SPHKAP: variants seen among roughly 807,000 people sequenced by gnomAD.
SPHKAP encodes the protein A-kinase anchor protein SPHKAP.
A neutral mutation model predicts 137.5 loss-of-function variants in SPHKAP; 67 were observed. The ratio of observed to expected loss-of-function variants is 0.49; its 90% CI spans 0.40 to 0.60. The LOEUF is 0.60. Ranked by LOEUF, SPHKAP falls within the 20% of genes least tolerant of loss-of-function variation. SPHKAP has a pLI of 0.00. For synonymous variants in SPHKAP, 813 were observed against 785.3 expected, an observed-to-expected ratio of 1.04 and a Z score of -0.59; for missense variants, 2,097 against 2,069.3, an observed-to-expected ratio of 1.01 and a Z score of -0.26.
intron 3 of SPHKAP, among the ~76,000 whole-genome samples, chr2:228,062,615 A>G (rs1403849367): frequency 1.3e-5 from 2 of 152,140 alleles, no homozygotes; most frequent in African/African-American, 2.4e-5. Context: ...GAAAAAAAAA[A>G]TAAAATGCCA....
chr2:228,144,208 T>A (rs1273295165), intron 1 of SPHKAP, among the ~76,000 whole-genome samples: 3 of 152,200 alleles, frequency 2.0e-5, no homozygotes, highest in Non-Finnish European at 4.4e-5. Context: ...CCCACCCTGA[T>A]CTATTTTTCT....
chr2:228,120,597 T>C (rs185399042), intron 2 of SPHKAP, among the ~76,000 whole-genome samples: 1 of 152,288 alleles, frequency 6.6e-6, no homozygotes, highest in East Asian at 1.9e-4. Flanking sequence ...CTTGTGCCAC[T>C]CAATTACTCA....
intron 7 of SPHKAP, among the ~76,000 whole-genome samples, chr2:228,006,255 C>G (rs577912929): frequency 1.3e-5 from 2 of 152,070 alleles, no homozygotes; most frequent in Admixed American, 6.6e-5. Context: ...ATTCTTTTTT[C>G]TCTAAATTTC....
Position 228,090,946 on chromosome 2 carries a change from G to A in SPHKAP, c.246+17886C>T, listed in dbSNP as rs569495987. Among the ~76,000 whole-genome samples the A allele has an allele frequency of 3.9e-5, 6 of 152,232 alleles. No homozygotes were observed. The East Asian group carries it at 7.7e-4, about 20-fold the overall frequency. On this transcript the variant is annotated intron_variant, in intron 3 of 11. Coordinates refer to ENST00000392056, the MANE Select transcript of SPHKAP (RefSeq NM_001142644.2). ...TTCTTGATAAATTACCCAGTCTCAGGTATTCCTTTATAATGACAGAAGAGC... is the reference window on the plus strand; with the variant it reads ...TTCTTGATAAATTACCCAGTCTCAGATATTCCTTTATAATGACAGAAGAGC...
At chr2:228,117,662 T>C (rs1228863428) in intron 2 of SPHKAP, among the ~76,000 whole-genome samples, 1 of 152,110 alleles carries the variant, frequency 6.6e-6, no homozygotes, top group East Asian at 1.9e-4. Context: ...TCACTTTTTA[T>C]GTGTAAAGTT....
chr2:228,142,715 G>A (rs1473402471), intron 1 of SPHKAP, among the ~76,000 whole-genome samples: 1 of 152,098 alleles, frequency 6.6e-6, no homozygotes, highest in East Asian at 1.9e-4. Context: ...GAGGGTGGGA[G>A]GAGGGAGAGG....
chr2:228,090,961 G>A lies in SPHKAP; in HGVS notation c.246+17871C>T, dbSNP rs569773947. ...CCAGTCTCAGGTATTCCTTTATAAT[G>A]ACAGAAGAGCAGACTAATACATATG... On this transcript the variant is annotated intron_variant, in intron 3 of 11. Transcript: ENST00000392056. Among the ~76,000 whole-genome samples the A allele has an allele frequency of 2.6e-5, 4 of 152,228 alleles. No homozygotes were observed. In the South Asian group the frequency reaches 8.3e-4, roughly 32 times the overall value.
chr2:228,138,562 C>CCTCATTTAT (rs1357174743), intron 1 of SPHKAP, among the ~76,000 whole-genome samples: 6 of 152,120 alleles, frequency 3.9e-5, no homozygotes, highest in African/African-American at 1.4e-4. Flanking sequence ...CCTACAAAAT[C>CCTCATTTAT]CTCATTTATT....
At position 227,980,674 on chromosome 2, in the gene SPHKAP, C is replaced by A. The variant is rs1263947471; in HGVS notation, c.*1043G>T. On this transcript the variant is annotated 3_prime_UTR_variant, in exon 12 of 12. Coordinates refer to ENST00000392056, the MANE Select transcript of SPHKAP (RefSeq NM_001142644.2). ...TGATCCTAACTGATCATGTCAAACA[C>A]AAGACCATTACCCTGCTTCTGTCAT... The A allele has an allele frequency of 5.3e-5, 8 of 151,930 alleles. No individual in the cohort carries two copies. The East Asian group carries it at 1.5e-3, about 29-fold the overall frequency. The allele number at this position is 151,930 out of a possible 1,614,324, so 9.4% of individuals were successfully genotyped here.
intron 3 of SPHKAP, among the ~76,000 whole-genome samples, chr2:228,057,186 A>G (rs188125490): frequency 6.6e-6 from 1 of 152,216 alleles, no homozygotes; most frequent in African/African-American, 2.4e-5. Context: ...TAGCATTAAA[A>G]TCAGATACTA....
rs1192310720 is a variant in SPHKAP, at chr2:228,132,546, T to C, written c.33-461A>G. 4.4e-6 allele frequency: 4 copies of C among 899,492 alleles called. No homozygotes were observed. The South Asian group carries it at 2.1e-4, about 46-fold the overall frequency. The allele number at this position is 899,492 out of a possible 1,614,324, so 55.7% of individuals were successfully genotyped here. ...AGTACCATTAAAAAGAAATGTGGAC[T>C]TTAGAAAATGCAGGTAATGTCTTTA... On this transcript the variant is annotated intron_variant, in intron 1 of 11. Coordinates refer to ENST00000392056, the MANE Select transcript of SPHKAP (RefSeq NM_001142644.2).
At chr2:228,011,515 T>C (rs951404893) in intron 7 of SPHKAP, among the ~76,000 whole-genome samples, 4 of 152,238 alleles carry the variant, frequency 2.6e-5, no homozygotes, top group East Asian at 1.9e-4. Flanking sequence ...ATAATTACTA[T>C]TGTTAAGATT....
intron 3 of SPHKAP, among the ~76,000 whole-genome samples, chr2:228,057,597 T>G (rs1696491134): frequency 6.6e-6 from 1 of 152,056 alleles, no homozygotes; most frequent in African/African-American, 2.4e-5. Flanking sequence ...GGGCAAGGAC[T>G]GAGAAATGCA....
At chr2:228,068,252 T>C (rs899970671) in intron 3 of SPHKAP, among the ~76,000 whole-genome samples, 1 of 152,022 alleles carries the variant, frequency 6.6e-6, no homozygotes, top group African/African-American at 2.4e-5. Context: ...AAAAAGCCAG[T>C]TCATGTTCTT....
intron 3 of SPHKAP, among the ~76,000 whole-genome samples, chr2:228,105,494 A>G (rs1025546856): frequency 2.0e-5 from 3 of 152,244 alleles, no homozygotes; most frequent in African/African-American, 7.2e-5. Flanking sequence ...AGAAAAAGAA[A>G]TAAAATTATA....
intron 2 of SPHKAP, among the ~76,000 whole-genome samples, chr2:228,121,193 C>A (rs918971778): frequency 6.6e-6 from 1 of 152,088 alleles, no homozygotes; most frequent in African/African-American, 2.4e-5. Flanking sequence ...TTGGTGCATG[C>A]CTTTGGACTG....
chr2:228,177,420 T>G (rs1179930070), intron 1 of SPHKAP, among the ~76,000 whole-genome samples: 1 of 152,182 alleles, frequency 6.6e-6, no homozygotes, highest in Non-Finnish European at 1.5e-5. Context: ...GAGGACAGTA[T>G]GTATTCCAAG....
chr2:228,011,792 T>A (rs996669620), intron 7 of SPHKAP, among the ~76,000 whole-genome samples: 3 of 152,196 alleles, frequency 2.0e-5, no homozygotes, highest in African/African-American at 7.2e-5. Context: ...GATTAAGTCA[T>A]GCTAATTAAA....
chr2:228,021,090 T>C (rs952369919), intron 6 of SPHKAP, among the ~76,000 whole-genome samples: 2 of 152,202 alleles, frequency 1.3e-5, no homozygotes, highest in Non-Finnish European at 2.9e-5. Context: ...GGGGTACCCC[T>C]TCCTCTGTGG....
Sources: allele counts gnomAD v4.1 joint callset (sites outside exome capture counted in the v4.1 genomes callset), GRCh38; gene constraint gnomAD v4.1.1; transcripts MANE v1.5; gene names NCBI Gene and HGNC (gene_info 2026-07-23, HGNC 2026-07-21).